Variants in TLN2 observed in about 807,000 individuals in gnomAD.
The protein encoded by TLN2 is talin-2.
Under a neutral mutation model 294.7 loss-of-function variants are expected in TLN2, and 118 were observed. The observed-to-expected ratio is 0.40, with a 90% CI of 0.34 to 0.47. The LOEUF is 0.47. TLN2 is among the 20% of genes least tolerant of loss of function. TLN2 has a pLI of 0.84. For synonymous variants in TLN2, 1,431 were observed against 1,304.5 expected (o/e 1.10, Z -2.09); for missense variants, 3,083 against 3,282.2 (o/e 0.94, Z 1.48).
At chr15:62,634,088 A>C (rs2050161712) in intron 3 of TLN2, among the ~76,000 whole-genome samples, 1 of 152,216 alleles carries the variant, frequency 6.6e-6, no homozygotes, top group African/African-American at 2.4e-5. Flanking sequence ...CCATCTTCAA[A>C]TAAGGTCGCA....
intron 3 of TLN2, among the ~76,000 whole-genome samples, chr15:62,631,575 T>C (rs573142727): frequency 4.9e-5 from 7 of 141,854 alleles, no homozygotes; most frequent in African/African-American, 1.8e-4. Flanking sequence ...TCCTTTCCTT[T>C]CTTTCTCTCT....
intron 3 of TLN2, among the ~76,000 whole-genome samples, chr15:62,643,915 C>T (rs1256197942): frequency 6.6e-6 from 1 of 152,112 alleles, no homozygotes; most frequent in Admixed American, 6.5e-5. Context: ...CTGGGACTGT[C>T]TCTAGGACTA....
chr15:62,808,923 A>C (rs1283701941), intron 51 of TLN2, among the ~76,000 whole-genome samples: 1 of 152,258 alleles, frequency 6.6e-6, no homozygotes, highest in Admixed American at 6.5e-5. Context: ...TATTCCCATC[A>C]GCACTCACAT....
intron 1 of TLN2, among the ~76,000 whole-genome samples, chr15:62,405,149 A>ATG (rs2140243709): frequency 6.6e-6 from 1 of 152,216 alleles, no homozygotes; most frequent in South Asian, 2.1e-4. Context: ...TTTTCTTGGG[A>ATG]TGTGCTGTTG....
At chr15:62,808,981 G>A (rs2066486969) in intron 51 of TLN2, among the ~76,000 whole-genome samples, 1 of 152,174 alleles carries the variant, frequency 6.6e-6, no homozygotes, top group Non-Finnish European at 1.5e-5. Context: ...CCTGGTCTTT[G>A]CCCTCAGCTT....
At chr15:62,688,107 T>C (rs2057446522) in intron 12 of TLN2, among the ~76,000 whole-genome samples, 1 of 152,210 alleles carries the variant, frequency 6.6e-6, no homozygotes, top group Admixed American at 6.5e-5. Flanking sequence ...TATTGGTCTT[T>C]TTAAACTAGG....
At chr15:62,834,125 A>T (rs957733196) in intron 55 of TLN2, 4 of 152,400 alleles carry the variant, frequency 2.6e-5, no homozygotes, top group African/African-American at 9.7e-5. Context: ...AAATTTCTTC[A>T]GCTTTATCTC....
chr15:62,596,569 C>G (rs1478251425), intron 2 of TLN2, among the ~76,000 whole-genome samples: 1 of 152,032 alleles, frequency 6.6e-6, no homozygotes, highest in Non-Finnish European at 1.5e-5. Flanking sequence ...AAAACCCCGT[C>G]TCTACTAAAA....
intron 1 of TLN2, among the ~76,000 whole-genome samples, chr15:62,483,721 G>A (rs1267896022): frequency 6.6e-6 from 1 of 152,126 alleles, no homozygotes; most frequent in Admixed American, 6.5e-5. Flanking sequence ...TATGAGTCTT[G>A]GGCATGGGTC....
At chr15:62,654,383 G>A (rs1436201191) in intron 7 of TLN2, among the ~76,000 whole-genome samples, 2 of 152,050 alleles carry the variant, frequency 1.3e-5, no homozygotes, top group East Asian at 3.9e-4. Flanking sequence ...AGTGTTTCTG[G>A]TTTTCTTTTT....
At chr15:62,765,536 T>C (rs1203747549) in intron 40 of TLN2, among the ~76,000 whole-genome samples, 6 of 152,186 alleles carry the variant, frequency 3.9e-5, no homozygotes, top group Non-Finnish European at 8.8e-5. Context: ...AAACGCCCAG[T>C]GCACTGATGC....
At chr15:62,480,438 G>A (rs1045612649) in intron 1 of TLN2, among the ~76,000 whole-genome samples, 1 of 152,106 alleles carries the variant, frequency 6.6e-6, no homozygotes, top group African/African-American at 2.4e-5. Context: ...TGGCCAGGCT[G>A]ATCTCAAACT....
chr15:62,667,653 G>T (rs1428727111), intron 9 of TLN2, among the ~76,000 whole-genome samples: 2 of 152,204 alleles, frequency 1.3e-5, no homozygotes. Context: ...TGACTTCCCT[G>T]TGGTCATGCA....
intron 1 of TLN2, among the ~76,000 whole-genome samples, chr15:62,394,560 A>G (rs1428232486): frequency 6.6e-6 from 1 of 152,230 alleles, no homozygotes; most frequent in Non-Finnish European, 1.5e-5. Flanking sequence ...TAAGCCACAC[A>G]TAACTATTAC....
intron 12 of TLN2, among the ~76,000 whole-genome samples, chr15:62,692,316 C>T (rs2057990535): frequency 6.6e-6 from 1 of 152,168 alleles, no homozygotes; most frequent in South Asian, 2.1e-4. Context: ...GTGGCTGCTG[C>T]AGCAAAAGGG....
chr15:62,738,788 A>G (rs1294678362), intron 30 of TLN2, among the ~76,000 whole-genome samples: 1 of 152,174 alleles, frequency 6.6e-6, no homozygotes, highest in African/African-American at 2.4e-5. Flanking sequence ...CTGCACAGGT[A>G]TAGAGGCAAT....
intron 1 of TLN2, among the ~76,000 whole-genome samples, chr15:62,435,603 G>A (rs554584705): frequency 3.8e-4 from 58 of 152,180 alleles, no homozygotes; most frequent in Non-Finnish European, 4.7e-4. Flanking sequence ...GTGCGATGGC[G>A]CGATCTTGGC....
At chr15:62,462,824 G>A (rs1163703362) in intron 1 of TLN2, among the ~76,000 whole-genome samples, 2 of 152,088 alleles carry the variant, frequency 1.3e-5, no homozygotes, top group East Asian at 1.9e-4. Context: ...TCTTTCCCTC[G>A]TTCATTGCCT....
At chr15:62,459,259 C>G (rs189705814) in intron 1 of TLN2, among the ~76,000 whole-genome samples, 1 of 150,724 alleles carries the variant, frequency 6.6e-6, no homozygotes, top group Non-Finnish European at 1.5e-5. Context: ...CTTGGCCTCC[C>G]AAAGTGCTGG....
Sources: allele counts gnomAD v4.1 joint callset (sites outside exome capture counted in the v4.1 genomes callset), GRCh38; gene constraint gnomAD v4.1.1; transcripts MANE v1.5; gene names NCBI Gene and HGNC (gene_info 2026-07-23, HGNC 2026-07-21).